TMTC2: variants seen among roughly 807,000 people sequenced by gnomAD.
The protein encoded by TMTC2 is transmembrane O-mannosyltransferase targeting cadherins 2.
Under a neutral mutation model 82.4 loss-of-function variants are expected in TMTC2, and 43 were observed. The ratio of observed to expected loss-of-function variants is 0.52; its 90% CI spans 0.41 to 0.67. The LOEUF (loss-of-function observed/expected upper bound fraction) is 0.67. TMTC2 is among the 30% of genes least tolerant of loss of function. The pLI is 0.00. For missense variants in TMTC2, 919 were observed against 1,012.4 expected (o/e 0.91, Z 1.25); for synonymous variants, 408 against 381.9 (o/e 1.07, Z -0.80).
At chr12:82,702,322 A>G (rs911259783) in intron 1 of TMTC2, among the ~76,000 whole-genome samples, 1 of 152,238 alleles carries the variant, frequency 6.6e-6, no homozygotes, top group African/African-American at 2.4e-5. Context: ...AAAGTCTAAC[A>G]GCAAGTGGAA....
chr12:83,061,617 C>A, intron 10 of TMTC2, 151 bp from the exon 11 acceptor site: 1 of 549,270 alleles, frequency 1.8e-6, no homozygotes, highest in Non-Finnish European at 3.0e-6. Context: ...GCAATGCAAA[C>A]ACTCAATTTT....
chr12:82,852,102 T>G (rs1474302977), intron 1 of TMTC2, among the ~76,000 whole-genome samples: 2 of 94,508 alleles, frequency 2.1e-5, no homozygotes, highest in African/African-American at 1.6e-4. Context: ...AGAAACTATC[T>G]TTTTTTTTTT....
At chr12:82,730,557 G>C (rs930474978) in intron 1 of TMTC2, among the ~76,000 whole-genome samples, 2 of 152,146 alleles carry the variant, frequency 1.3e-5, no homozygotes, top group African/African-American at 4.8e-5. Flanking sequence ...TGTGACTACT[G>C]AGCATTCTCT....
chr12:82,967,949 C>T (rs1405271171), intron 7 of TMTC2, among the ~76,000 whole-genome samples: 1 of 152,018 alleles, frequency 6.6e-6, no homozygotes, highest in African/African-American at 2.4e-5. Context: ...TTAATAGTAG[C>T]TATATGTCTT....
intron 11 of TMTC2, among the ~76,000 whole-genome samples, chr12:83,090,652 T>C (rs1435385035): frequency 6.6e-6 from 1 of 152,180 alleles, no homozygotes; most frequent in Non-Finnish European, 1.5e-5. Flanking sequence ...CTCCTCATCT[T>C]TGCTGCATTG....
intron 1 of TMTC2, among the ~76,000 whole-genome samples, chr12:82,728,342 A>G (rs1425288468): frequency 6.6e-6 from 1 of 152,018 alleles, no homozygotes; most frequent in Non-Finnish European, 1.5e-5. Context: ...AGTTTTTATA[A>G]AAAGGTTTTT....
intron 1 of TMTC2, among the ~76,000 whole-genome samples, chr12:82,846,187 C>G (rs1399026949): frequency 6.6e-6 from 1 of 151,810 alleles, no homozygotes; most frequent in African/African-American, 2.4e-5. Flanking sequence ...GGTGAAACCC[C>G]ATCTCTACTA....
chr12:82,964,992 C>G lies in TMTC2; in HGVS notation c.1599-32C>G, dbSNP rs1242362788. The G allele has an allele frequency of 2.0e-6, 3 of 1,524,308 alleles. No individual in the cohort carries two copies. In the African/African-American group the frequency reaches 4.1e-5, roughly 21 times the overall value. 94.4% of individuals were successfully genotyped at this position (1,524,308 alleles called of 1,614,324 possible). A position where few individuals can be genotyped will look rare whatever the true frequency, so the allele number is the denominator to read the frequency against. On this transcript the variant is annotated intron_variant, in intron 4 of 11. Coordinates refer to ENST00000321196, the MANE Select transcript of TMTC2 (RefSeq NM_152588.3). ...GTGGTTTTATATATAATAATACAGT[C>G]CTTTCTCTAAATTTCTGTTTTCCTC... is the stretch of plus-strand genomic sequence containing the variant.
At chr12:83,025,363 A>C (rs953195041) in intron 8 of TMTC2, among the ~76,000 whole-genome samples, 7 of 150,642 alleles carry the variant, frequency 4.6e-5, no homozygotes, top group African/African-American at 1.7e-4. Context: ...AAAAGTATAT[A>C]TATGTATATT....
At chr12:82,864,715 A>G (rs901054126) in intron 2 of TMTC2, among the ~76,000 whole-genome samples, 1 of 151,060 alleles carries the variant, frequency 6.6e-6, no homozygotes, top group Non-Finnish European at 1.5e-5. Context: ...GTTGGCCAGG[A>G]TGGTCTTGAT....
intron 7 of TMTC2, among the ~76,000 whole-genome samples, chr12:82,984,167 T>A (rs975084410): frequency 1.3e-4 from 20 of 152,140 alleles, no homozygotes; most frequent in African/African-American, 4.6e-4. Flanking sequence ...CTTAGACATA[T>A]AATTTAATTT....
intron 3 of TMTC2, among the ~76,000 whole-genome samples, chr12:82,898,236 T>C (rs1428873351): frequency 6.6e-6 from 1 of 152,226 alleles, no homozygotes; most frequent in African/African-American, 2.4e-5. Context: ...TCACAGTTTA[T>C]TGAATGCCTG....
intron 10 of TMTC2, among the ~76,000 whole-genome samples, chr12:83,059,577 A>T (rs1320351627): frequency 4.0e-5 from 6 of 151,670 alleles, no homozygotes; most frequent in Non-Finnish European, 5.9e-5. Context: ...TTTTTTTCCC[A>T]CCTCATCAGA....
intron 4 of TMTC2, among the ~76,000 whole-genome samples, chr12:82,958,648 C>A (rs1460735656): frequency 6.6e-6 from 1 of 151,950 alleles, no homozygotes; most frequent in African/African-American, 2.4e-5. Flanking sequence ...TATAATAAAA[C>A]CCTCAAGAAA....
intron 1 of TMTC2, among the ~76,000 whole-genome samples, chr12:82,854,723 T>A (rs1871164545): frequency 6.6e-6 from 1 of 152,184 alleles, no homozygotes; most frequent in Admixed American, 6.5e-5. Context: ...AATTGAAGAT[T>A]TTCACAGATC....
At chr12:83,057,880 A>T (rs936734392) in intron 10 of TMTC2, among the ~76,000 whole-genome samples, 32 of 151,914 alleles carry the variant, frequency 2.1e-4, no homozygotes, top group Admixed American at 2.0e-3. Flanking sequence ...TCTAAATGCC[A>T]CTAGTTTTTA....
intron 10 of TMTC2, among the ~76,000 whole-genome samples, chr12:83,052,098 C>T (rs750878092): frequency 2.7e-4 from 41 of 152,016 alleles, no homozygotes; most frequent in Non-Finnish European, 5.3e-4. Context: ...CATCTCTGTG[C>T]GTGGCTTCCA....
intron 1 of TMTC2, among the ~76,000 whole-genome samples, chr12:82,708,290 G>T (rs774425173): frequency 6.6e-6 from 1 of 152,166 alleles, no homozygotes; most frequent in Non-Finnish European, 1.5e-5. Flanking sequence ...ATTCTCAGGG[G>T]TTCTCCGACC....
chr12:82,799,300 A>G (rs1281728926), intron 1 of TMTC2, among the ~76,000 whole-genome samples: 1 of 152,140 alleles, frequency 6.6e-6, no homozygotes, highest in Non-Finnish European at 1.5e-5. Context: ...TCCAGCCTCC[A>G]TGTTGCAGGA....
Sources: gnomAD v4.1 joint callset for allele counts (sites outside exome capture counted in the v4.1 genomes callset) on GRCh38, gnomAD v4.1.1 for gene constraint, MANE v1.5 for transcripts, NCBI Gene and HGNC (gene_info 2026-07-23, HGNC 2026-07-21) for gene names.